Variants in VPS53 observed in about 807,000 individuals in gnomAD.
VPS53 encodes VPS53 subunit of GARP complex.
VPS53 carries 70 observed loss-of-function variants against 107.0 expected under a neutral mutation model. The observed-to-expected ratio is 0.65, with a 90% CI of 0.54 to 0.80. The LOEUF (loss-of-function observed/expected upper bound fraction) is 0.80. Among genes scored for constraint, VPS53 ranks in the 30% least tolerant of loss-of-function variants. VPS53 has a pLI of 0.00. For synonymous variants in VPS53, 409 were observed against 393.3 expected, an observed-to-expected ratio of 1.04 and a Z score of -0.47; for missense variants, 917 against 1,049.4, an observed-to-expected ratio of 0.87 and a Z score of 1.74.
chr17:519,031 C>A lies in VPS53; in HGVS notation c.*97G>T, dbSNP rs1285523643. On this transcript the variant is annotated 3_prime_UTR_variant, in exon 22 of 22. Coordinates refer to ENST00000437048, the MANE Select transcript of VPS53 (RefSeq NM_001128159.3). This position sits in a 1 kb window ranked among gnomAD's most constrained non-coding sequence, Gnocchi z 5.0. ...ATGTCCCAGGAAGTTTGAAGACCGA[C>A]GATGTGAGAGTGCCGGGGAGCACAG... The A allele has an allele frequency of 7.6e-7, 1 of 1,323,984 alleles. No individual in the cohort carries two copies. Among genetic ancestry groups the A allele is most frequent in the Non-Finnish European group, 1.0e-6 (1 of 994,450 alleles). The allele number at this position is 1,323,984 out of a possible 1,614,324, so 82.0% of individuals were successfully genotyped here.
chr17:571,297 AAAGAAG>A (rs1446287276), intron 13 of VPS53, among the ~76,000 whole-genome samples: 2 of 151,978 alleles, frequency 1.3e-5, no homozygotes, highest in Admixed American at 6.6e-5. Context: ...AGAAAAAGAA[AAAGAAG>A]GAAGAGAAAA....
At chr17:624,897 T>C (rs937606004) in intron 10 of VPS53, among the ~76,000 whole-genome samples, 7 of 152,204 alleles carry the variant, frequency 4.6e-5, no homozygotes, top group Non-Finnish European at 7.4e-5. Flanking sequence ...GTGTTTCTTT[T>C]TTTTTCTTCC....
chr17:704,277 C>A (rs923319587), intron 2 of VPS53, among the ~76,000 whole-genome samples: 3 of 152,158 alleles, frequency 2.0e-5, no homozygotes, highest in Middle Eastern at 3.2e-3. Context: ...TCAGGCCTGG[C>A]TGGGTGAAAT....
intron 4 of VPS53, among the ~76,000 whole-genome samples, chr17:694,743 T>C (rs1972888705): frequency 6.6e-6 from 1 of 152,238 alleles, no homozygotes; most frequent in Non-Finnish European, 1.5e-5. Flanking sequence ...AAATATTCAA[T>C]ACAGTTGCAT....
At chr17:693,867 G>A (rs1373146060) in intron 4 of VPS53, among the ~76,000 whole-genome samples, 2 of 152,222 alleles carry the variant, frequency 1.3e-5, no homozygotes, top group East Asian at 1.9e-4. Flanking sequence ...CTTAGGAAGC[G>A]AGTGCTGAAA....
In VPS53 at chr17:508,719, C is replaced by G. The variant is rs1907749180; in HGVS notation, c.*10409G>C. On this transcript the variant is annotated 3_prime_UTR_variant, in exon 22 of 22. Coordinates refer to ENST00000437048, the MANE Select transcript of VPS53 (RefSeq NM_001128159.3). ...AGAGCCTCTACCATTGCAAGAAGAGCTGTTTAAAACAAAACAAAATGGATA... is the reference window on the plus strand; with the variant it reads ...AGAGCCTCTACCATTGCAAGAAGAGGTGTTTAAAACAAAACAAAATGGATA... 6.6e-6 allele frequency: 1 copy of G among 152,124 alleles called. No homozygotes were observed. Among genetic ancestry groups the G allele is most frequent in the Non-Finnish European group, 1.5e-5 (1 of 68,010 alleles). 9.4% of individuals were successfully genotyped at this position (152,124 alleles called of 1,614,324 possible).
intron 13 of VPS53, among the ~76,000 whole-genome samples, chr17:574,361 A>G (rs1372944795): frequency 6.6e-6 from 1 of 152,212 alleles, no homozygotes; most frequent in African/African-American, 2.4e-5. Flanking sequence ...TGTATAAATC[A>G]AGGCCATGTG....
intron 17 of VPS53, among the ~76,000 whole-genome samples, chr17:545,089 A>G (rs1476925228): frequency 1.3e-5 from 2 of 152,178 alleles, no homozygotes; most frequent in African/African-American, 2.4e-5. Context: ...TTTATGAAAG[A>G]AAGAAAATAA....
At chr17:633,811 T>C (rs1177403461) in intron 7 of VPS53, among the ~76,000 whole-genome samples, 1 of 152,142 alleles carries the variant, frequency 6.6e-6, no homozygotes, top group Non-Finnish European at 1.5e-5. Flanking sequence ...AACTTTGACA[T>C]GAGAGAAAAG....
chr17:710,706 A>G (rs922202138), intron 1 of VPS53, 93 bp from the exon 2 acceptor site: 15 of 962,802 alleles, frequency 1.6e-5, no homozygotes, highest in East Asian at 1.1e-4. Context: ...AGGGCCGGGC[A>G]CGGTGGCTCA....
At chr17:610,744 C>T (rs1248388266) in intron 11 of VPS53, among the ~76,000 whole-genome samples, 8 of 143,272 alleles carry the variant, frequency 5.6e-5, no homozygotes, top group South Asian at 2.3e-4. Flanking sequence ...GGCAAAACCC[C>T]GCCTCTACTA....
intron 7 of VPS53, among the ~76,000 whole-genome samples, chr17:649,645 G>A (rs886579693): frequency 3.3e-5 from 5 of 151,086 alleles, no homozygotes. Context: ...GCTTACACTT[G>A]AGGACAGAGA....
At chr17:635,139 A>G (rs955277892) in intron 7 of VPS53, among the ~76,000 whole-genome samples, 1 of 152,210 alleles carries the variant, frequency 6.6e-6, no homozygotes, top group Non-Finnish European at 1.5e-5. Flanking sequence ...CATTTCTCTG[A>G]TGACCAGTGA....
Position 699,365 on chromosome 17 carries a change from C to A in VPS53, c.184G>T (p.Asp62Tyr), listed in dbSNP as rs757751505. ...FPTEQSLANI[D>Y]EVVNKIRLKI... ...AGCCTAATTTTGTTCACGACTTCGTCTATGTTCGCCAGAGACTACAATAAA... is the reference window on the plus strand; with the variant it reads ...AGCCTAATTTTGTTCACGACTTCGTATATGTTCGCCAGAGACTACAATAAA... Residue 62 changes from aspartate to tyrosine, a missense_variant, in exon 3 of 22, where the codon GAC (aspartate) becomes TAC (tyrosine). Physicochemically the swap from Asp to Tyr is radical, Grantham distance 160. Transcript: ENST00000437048. The A allele has an allele frequency of 1.9e-6, 3 of 1,573,122 alleles. No individual in the cohort carries two copies. In the East Asian group the frequency reaches 7.2e-5, roughly 38 times the overall value.
In VPS53 at chr17:573,513, TCAAGA is replaced by T. The variant is rs1914350271; in HGVS notation, c.1314-10773_1314-10769del. ...TGAGAAGGTGGACCCCATGCCAGGC[TCAAGA>T]GAAATCTGGCCACACTGACAAGGCC... On this transcript the variant is annotated intron_variant, in intron 13 of 21. Transcript: ENST00000437048. Among the ~76,000 whole-genome samples, 4 of 152,180 alleles carry T rather than the reference TCAAGA, an allele frequency of 2.6e-5. No individual in the cohort carries two copies. The South Asian group carries it at 8.3e-4, about 32-fold the overall frequency.
chr17:564,191 T>G (rs1339283590), intron 13 of VPS53, among the ~76,000 whole-genome samples: 1 of 151,508 alleles, frequency 6.6e-6, no homozygotes, highest in Non-Finnish European at 1.5e-5. Context: ...GGCCAGGAGT[T>G]CGAGACCAGC....
Position 520,909 on chromosome 17 carries a change from A to T in VPS53, c.2223+692T>A, listed in dbSNP as rs186092062. Among the ~76,000 whole-genome samples the T allele has an allele frequency of 6.7e-6, 1 of 149,658 alleles. No homozygotes were observed. Among genetic ancestry groups the T allele is most frequent in the Non-Finnish European group, 1.5e-5 (1 of 67,434 alleles). Reference sequence around the variant, plus strand: ...CACCCTTACCTACATGAGCTGCTTCATCCTCACCCACATCCCACCGGTGTC... The same window carrying T: ...CACCCTTACCTACATGAGCTGCTTCTTCCTCACCCACATCCCACCGGTGTC... On this transcript the variant is annotated intron_variant, in intron 20 of 21. Transcript: ENST00000437048. This position sits in a 1 kb window ranked among gnomAD's most constrained non-coding sequence, Gnocchi z 4.4.
intron 4 of VPS53, among the ~76,000 whole-genome samples, chr17:663,526 A>G (rs143023625): frequency 6.6e-6 from 1 of 152,282 alleles, no homozygotes; most frequent in African/African-American, 2.4e-5. Flanking sequence ...ACCTACAGCT[A>G]AAGTACCTGT....
At chr17:541,458 G>A (rs1597267283) in intron 17 of VPS53, among the ~76,000 whole-genome samples, 3 of 149,110 alleles carry the variant, frequency 2.0e-5, no homozygotes, top group East Asian at 4.0e-4. Context: ...CTGAAGGAAC[G>A]TTTATCAAGC....
Sources: gnomAD v4.1 joint callset for allele counts (sites outside exome capture counted in the v4.1 genomes callset) on GRCh38, gnomAD v4.1.1 for gene constraint, Gnocchi (gnomAD v3.1) non-coding constraint, MANE v1.5 for transcripts, NCBI Gene and HGNC (gene_info 2026-07-23, HGNC 2026-07-21) for gene names.